RHOT2: variants seen among roughly 807,000 people sequenced by gnomAD.
RHOT2 encodes the protein ras homolog family member T2.
Under a neutral mutation model 81.6 loss-of-function variants are expected in RHOT2, and 90 were observed. The ratio of observed to expected loss-of-function variants is 1.10; its 90% CI spans 0.93 to 1.31. The LOEUF is 1.31. Ranked by LOEUF, RHOT2 falls within the 40% of genes most tolerant of loss-of-function variation. The pLI is 0.00. For missense variants in RHOT2, 1,014 were observed against 841.9 expected, an observed-to-expected ratio of 1.20 and a Z score of -2.53; for synonymous variants, 512 against 370.9, an observed-to-expected ratio of 1.38 and a Z score of -4.37.
chr16:670,646 C>T (rs756295632), intron 8 of RHOT2, 29 bp from the exon 9 acceptor site: 12 of 1,609,774 alleles, frequency 7.5e-6, no homozygotes, highest in South Asian at 1.1e-5. Context: ...CGTGGGTCAC[C>T]TGAGGGTGCT....
intron 4 of RHOT2, chr16:669,101 C>T (rs146878693): frequency 3.6e-4 from 141 of 387,256 alleles, no homozygotes; most frequent in African/African-American, 2.5e-3. Flanking sequence ...CCACAGCCAC[C>T]CAGGGCAGCC....
At position 673,964 on chromosome 16, in the gene RHOT2, T is replaced by C. The variant is rs2039363225; in HGVS notation, c.*358T>C. ...GAATTCTCAGGGCTCTACCCCCCTT[T>C]CCTGGTCCTAGGTGGCCAGTGGGTA... On this transcript the variant is annotated 3_prime_UTR_variant, in exon 19 of 19. Transcript: ENST00000315082. The C allele has an allele frequency of 2.1e-6, 1 of 486,798 alleles. No individual in the cohort carries two copies. Among genetic ancestry groups the C allele is most frequent in the East Asian group, 5.5e-5 (1 of 18,138 alleles). The allele number at this position is 486,798 out of a possible 1,614,324, so 30.2% of individuals were successfully genotyped here. A position where few individuals can be genotyped will look rare whatever the true frequency, so the allele number is the denominator to read the frequency against.
At chr16:671,810 G>GGCCCCGGCCCCCC in intron 12 of RHOT2, 29 bp downstream of exon 12, 11 of 1,586,166 alleles carry the variant, frequency 6.9e-6, no homozygotes, top group East Asian at 2.3e-5. Context: ...CCCTGCCCCT[G>GGCCCCGGCCCCCC]CCCCCGCCCC....
rs1347781424 is a variant in RHOT2 at position 673,957 on chromosome 16, C to T, written c.*351C>T. ...AGACCCAGAATTCTCAGGGCTCTACCCCCCTTTCCTGGTCCTAGGTGGCCA... is the reference window on the plus strand; with the variant it reads ...AGACCCAGAATTCTCAGGGCTCTACTCCCCTTTCCTGGTCCTAGGTGGCCA... On this transcript the variant is annotated 3_prime_UTR_variant, in exon 19 of 19. Coordinates refer to ENST00000315082, the MANE Select transcript of RHOT2 (RefSeq NM_138769.3). The T allele has an allele frequency of 7.9e-6, 4 of 503,750 alleles. No homozygotes were observed. The highest frequency in any genetic ancestry group is 7.2e-5 in the Admixed American group (3 of 41,654). The allele number at this position is 503,750 out of a possible 1,614,324, so 31.2% of individuals were successfully genotyped here. A position where few individuals can be genotyped will look rare whatever the true frequency, so the allele number is the denominator to read the frequency against.
intron 11 of RHOT2, 27 bp downstream of exon 11, chr16:671,230 G>A: frequency 6.6e-7 from 1 of 1,525,498 alleles, no homozygotes; most frequent in Non-Finnish European, 8.8e-7. Context: ...CTTGAGGCCT[G>A]CCCTCCCCGA....
chr16:672,079 C>T lies in RHOT2; in HGVS notation c.1098-5C>T. On this transcript the variant is annotated splice_region_variant and splice_polypyrimidine_tract_variant and intron_variant, in intron 13 of 18. Coordinates refer to ENST00000315082, the MANE Select transcript of RHOT2 (RefSeq NM_138769.3). ...ACACTGTGCCTGCCTCCCGCCCACC[C>T]CCAGCCTGGTGACCTACCTGGACGT... 6.2e-7 allele frequency: 1 copy of T among 1,612,592 alleles called. No individual in the cohort carries two copies. Among genetic ancestry groups the T allele is most frequent in the Non-Finnish European group, 8.5e-7 (1 of 1,179,880 alleles).
rs373756672 is a variant in RHOT2 at position 671,013 on chromosome 16, G to A, written c.748+13G>A. ...CTGACCCTGGATGGTGAGGCCGGGT[G>A]CCCGCCTGTGCCTGGGGAGTGTGGG... On this transcript the variant is annotated intron_variant, in intron 10 of 18. Coordinates refer to ENST00000315082, the MANE Select transcript of RHOT2 (RefSeq NM_138769.3). The A allele has an allele frequency of 2.5e-5, 40 of 1,599,658 alleles. No homozygotes were observed. The highest frequency in any genetic ancestry group is 3.4e-5 in the Non-Finnish European group (40 of 1,175,020).
intron 1 of RHOT2, 36 bp from the exon 2 acceptor site, chr16:668,317 C>CA: frequency 7.7e-7 from 1 of 1,298,528 alleles, no homozygotes; most frequent in Non-Finnish European, 9.7e-7. Context: ...GGCGCCGTGA[C>CA]CTTGGCCCTC....
At chr16:669,198 G>C in intron 4 of RHOT2, 1 of 427,342 alleles carries the variant, frequency 2.3e-6, no homozygotes, top group Non-Finnish European at 4.3e-6. Context: ...CTGTCTTGCA[G>C]GGTGTTGGGT....
In RHOT2 at chr16:672,070, C is replaced by T. The variant is rs1264778947; in HGVS notation, c.1098-14C>T. On this transcript the variant is annotated splice_polypyrimidine_tract_variant and intron_variant, in intron 13 of 18. Transcript: ENST00000315082. ...CCCACCATAACACTGTGCCTGCCTCCCGCCCACCCCCAGCCTGGTGACCTA... is the reference window on the plus strand; with the variant it reads ...CCCACCATAACACTGTGCCTGCCTCTCGCCCACCCCCAGCCTGGTGACCTA... 1 of 1,612,494 alleles carries T rather than the reference C, an allele frequency of 6.2e-7. No homozygotes were observed. Among genetic ancestry groups the T allele is most frequent in the Non-Finnish European group, 8.5e-7 (1 of 1,179,842 alleles).
Position 670,764 on chromosome 16 carries a change from C to T in RHOT2, c.630C>T (p.Asn210=), listed in dbSNP as rs765342457. 2.9e-5 allele frequency: 47 copies of T among 1,612,030 alleles called. No homozygotes were observed. The highest frequency in any genetic ancestry group is 3.8e-5 in the Non-Finnish European group (45 of 1,179,920). ...LDQALSDEEL[N]AFQKSCFGHP... ...AGGCGCTCAGTGACGAAGAGCTCAA[C>T]GCTTTCCAGGTGTGCCCCTGCCCCA... The change falls in exon 9 of 19, where the codon AAC becomes AAT. Residue 210 remains asparagine (N), a synonymous_variant. Coordinates refer to ENST00000315082, the MANE Select transcript of RHOT2 (RefSeq NM_138769.3).
intron 18 of RHOT2, 117 bp from the exon 19 acceptor site, chr16:673,363 C>T (rs1264965909): frequency 3.3e-6 from 5 of 1,493,740 alleles, no homozygotes; most frequent in African/African-American, 1.4e-5. Flanking sequence ...CCGGCTGTGC[C>T]TCTGGTCTGG....
In RHOT2 at chr16:673,526, G is replaced by A; in HGVS notation, c.1777G>A (p.Gly593Arg). The A allele has an allele frequency of 6.2e-7, 1 of 1,612,648 alleles. No individual in the cohort carries two copies. Among genetic ancestry groups the A allele is most frequent in the South Asian group, 1.1e-5 (1 of 91,076 alleles). ...GCATCCCTCTTCCTTCTGGCTCCGG[G>A]GGCTGCTGGGGGTTGTCGGGGCCGC... ...ELHPSSFWLR[G>R]LLGVVGAAVA... Residue 593 changes from glycine (G) to arginine (R), a missense_variant, in exon 19 of 19, where the codon GGG (glycine) becomes AGG (arginine). Physicochemically the swap from Gly to Arg is moderately radical, Grantham distance 125. Coordinates refer to ENST00000315082, the MANE Select transcript of RHOT2 (RefSeq NM_138769.3).
chr16:674,020 C>T lies in RHOT2; in HGVS notation c.*414C>T, dbSNP rs79114568. 1,690 of 330,890 alleles carry T rather than the reference C, an allele frequency of 5.1e-3. 17 individuals are homozygous for T. The highest frequency in any genetic ancestry group is 0.033 in the African/African-American group (1,528 of 45,870). 20.5% of individuals were successfully genotyped at this position (330,890 alleles called of 1,614,324 possible). ...AGGGCTGGAAGGCAGAGCTTTGGGC[C>T]AAAAGCAGGCGTTGGGGGGTCCCCC... On this transcript the variant is annotated 3_prime_UTR_variant, in exon 19 of 19. Transcript: ENST00000315082.
In RHOT2 at chr16:672,348, T is replaced by G; in HGVS notation, c.1290T>G (p.Ser430=). ...KVVGARGVGK[S]AFLQAFLGRG... The stretch of plus-strand genomic sequence containing the variant: ...TAGGGGCCCGTGGAGTGGGCAAGTC[T>G]GCCTTCCTGCAGGCCTTTCTCGGCC... The change falls in exon 15 of 19, where the codon TCT becomes TCG. Residue 430 remains serine (S), a synonymous_variant. Transcript: ENST00000315082. 6.2e-7 allele frequency: 1 copy of G among 1,611,700 alleles called. No homozygotes were observed. Among genetic ancestry groups the G allele is most frequent in the South Asian group, 1.1e-5 (1 of 91,000 alleles).
rs543437341 is a variant in RHOT2 at position 669,865 on chromosome 16, C to T, written c.277-258C>T. The T allele has an allele frequency of 6.2e-5, 38 of 613,566 alleles. No individual in the cohort carries two copies. In the East Asian group the frequency reaches 6.4e-4, roughly 10 times the overall value. 38.0% of individuals were successfully genotyped at this position (613,566 alleles called of 1,614,324 possible). ...GTTTCCAAACCCCCGGGGGGGGACCCGCAGAGGGCCTGCGTTGGGGGCGGC... is the reference window on the plus strand; with the variant it reads ...GTTTCCAAACCCCCGGGGGGGGACCTGCAGAGGGCCTGCGTTGGGGGCGGC... On this transcript the variant is annotated intron_variant, in intron 5 of 18. Coordinates refer to ENST00000315082, the MANE Select transcript of RHOT2 (RefSeq NM_138769.3).
Position 673,536 on chromosome 16 carries a change from G to C in RHOT2, c.1787G>C (p.Gly596Ala). The change falls in exon 19 of 19, where the codon GGG becomes GCG. Residue 596 changes from glycine (G) to alanine (A), a missense_variant. Physicochemically the swap from Gly to Ala is moderately conservative, Grantham distance 60 (BLOSUM62 0). Coordinates refer to ENST00000315082, the MANE Select transcript of RHOT2 (RefSeq NM_138769.3). ...PSSFWLRGLL[G>A]VVGAAVAAVL... Reference sequence around the variant, plus strand: ...TCCTTCTGGCTCCGGGGGCTGCTGGGGGTTGTCGGGGCCGCCGTGGCCGCA... The same window carrying C: ...TCCTTCTGGCTCCGGGGGCTGCTGGCGGTTGTCGGGGCCGCCGTGGCCGCA... 1.2e-6 allele frequency: 2 copies of C among 1,612,646 alleles called. No individual in the cohort carries two copies. The highest frequency in any genetic ancestry group is 2.2e-5 in the South Asian group (2 of 91,072).
chr16:672,057 C>G lies in RHOT2; in HGVS notation c.1098-27C>G, dbSNP rs774284218. On this transcript the variant is annotated intron_variant, in intron 13 of 18. Coordinates refer to ENST00000315082, the MANE Select transcript of RHOT2 (RefSeq NM_138769.3). Reference sequence around the variant, plus strand: ...CCGCACCACCCTCCCCACCATAACACTGTGCCTGCCTCCCGCCCACCCCCA... The same window carrying G: ...CCGCACCACCCTCCCCACCATAACAGTGTGCCTGCCTCCCGCCCACCCCCA... The G allele has an allele frequency of 5.0e-6, 8 of 1,612,330 alleles. No individual in the cohort carries two copies. The South Asian group carries it at 8.8e-5, about 18-fold the overall frequency.
Position 671,208 on chromosome 16 carries a change from G to C in RHOT2, c.869+5G>C. ...TGCGGACTATCTCTCCCCTCTGTGA[G>C]TGATGCCGGGGCTTGAGGCCTGCCC... On this transcript the variant is annotated splice_donor_5th_base_variant and intron_variant, in intron 11 of 18. Transcript: ENST00000315082. 6.5e-7 allele frequency: 1 copy of C among 1,542,828 alleles called. No individual in the cohort carries two copies. Among genetic ancestry groups the C allele is most frequent in the Non-Finnish European group, 8.7e-7 (1 of 1,142,928 alleles).
Sources: gnomAD v4.1 joint callset for allele counts on GRCh38, gnomAD v4.1.1 for gene constraint, MANE v1.5 for transcripts, NCBI Gene and HGNC (gene_info 2026-07-23, HGNC 2026-07-21) for gene names.